Variants in PDE4D observed in about 807,000 individuals in gnomAD.
PDE4D encodes phosphodiesterase 4D.
PDE4D carries 24 observed loss-of-function variants against 87.4 expected under a neutral mutation model. That is an observed-to-expected ratio of 0.27 (90% confidence interval 0.20 to 0.39). The LOEUF (loss-of-function observed/expected upper bound fraction) is 0.39. PDE4D is among the 10% of genes least tolerant of loss of function. The pLI is 1.00. For synonymous variants in PDE4D, 384 were observed against 383.2 expected (o/e 1.00, Z -0.02); for missense variants, 714 against 1,041.0 (o/e 0.69, Z 4.32).
At chr5:59,580,079 T>C (rs1474767292) in intron 1 of PDE4D, among the ~76,000 whole-genome samples, 1 of 152,226 alleles carries the variant, frequency 6.6e-6, no homozygotes, top group East Asian at 1.9e-4. Context: ...GTAAATCTGC[T>C]TATTTTCTCT....
rs1947095 is a variant in PDE4D, at chr5:59,271,235, C to A, written c.456-55267G>T. Among the ~76,000 whole-genome samples the A allele has an allele frequency of 2.7e-3, 408 of 151,928 alleles. 4 individuals carry two copies. The highest frequency in any genetic ancestry group is 9.5e-3 in the African/African-American group (392 of 41,450). On this transcript the variant is annotated intron_variant, in intron 1 of 14. Coordinates refer to ENST00000340635, the MANE Select transcript of PDE4D (RefSeq NM_001104631.2). ...TGGATTTTTAGTAGAGACAGGGTTG[C>A]GCCATTTTGGCCAGGCTGGTCTTGA... is the stretch of plus-strand genomic sequence containing the variant.
rs149383517 is a variant in PDE4D, at chr5:58,978,464, T to TC, written c.1553-1120dup. Among the ~76,000 whole-genome samples the TC allele has an allele frequency of 2.6e-3, 389 of 152,298 alleles. 7 individuals carry two copies. In the East Asian group the frequency reaches 0.047, roughly 18 times the overall value. ...AAAGGTTAAAAGCACAGGTATTTGA[T>TC]CTTTTTTCTAACGAATGCATAGAAA... On this transcript the variant is annotated intron_variant, in intron 11 of 14. Transcript: ENST00000340635.
At chr5:59,189,199 G>C (rs954103540) in intron 3 of PDE4D, among the ~76,000 whole-genome samples, 1 of 147,880 alleles carries the variant, frequency 6.8e-6, no homozygotes, top group East Asian at 2.0e-4. Context: ...TTTGGTTAGA[G>C]TAAAGGTAAA....
intron 1 of PDE4D, among the ~76,000 whole-genome samples, chr5:59,691,168 C>T (rs1392899234): frequency 6.6e-6 from 1 of 152,200 alleles, no homozygotes; most frequent in Non-Finnish European, 1.5e-5. Flanking sequence ...TGTGGCGATT[C>T]CTCAAGGATC....
intron 1 of PDE4D, among the ~76,000 whole-genome samples, chr5:60,455,581 T>C (rs1746407624): frequency 6.6e-6 from 1 of 152,140 alleles, no homozygotes; most frequent in African/African-American, 2.4e-5. Context: ...TTAACTACAA[T>C]TCTCAATTTG....
chr5:59,064,893 G>A (rs937242351), intron 5 of PDE4D, among the ~76,000 whole-genome samples: 8 of 151,866 alleles, frequency 5.3e-5, no homozygotes, highest in Admixed American at 2.6e-4. Context: ...CCCTACTTTC[G>A]AAACAGGAAG....
intron 3 of PDE4D, among the ~76,000 whole-genome samples, chr5:59,980,555 G>A (rs913956287): frequency 6.6e-6 from 1 of 152,190 alleles, no homozygotes; most frequent in Non-Finnish European, 1.5e-5. Context: ...TGGGAGCCTG[G>A]TGAAATAGAA....
chr5:60,295,084 T>C (rs1055001588), intron 1 of PDE4D, among the ~76,000 whole-genome samples: 1 of 152,132 alleles, frequency 6.6e-6, no homozygotes, highest in African/African-American at 2.4e-5. Flanking sequence ...ACATATTTCA[T>C]TAAATTTGCT....
At chr5:59,654,502 G>T (rs938168766) in intron 1 of PDE4D, among the ~76,000 whole-genome samples, 1 of 152,150 alleles carries the variant, frequency 6.6e-6, no homozygotes, top group African/African-American at 2.4e-5. Context: ...GGTCATGACT[G>T]GTTCCTCCCA....
rs1744779573 is a variant in PDE4D at position 59,193,521 on chromosome 5, C to T, written c.663G>A (p.Leu221=). 6.2e-7 allele frequency: 1 copy of T among 1,613,684 alleles called. No homozygotes were observed. Among genetic ancestry groups the T allele is most frequent in the Non-Finnish European group, 8.5e-7 (1 of 1,179,728 alleles). Residue 221 remains leucine, a synonymous_variant, in exon 3 of 15, where the codon TTG becomes TTA. Transcript: ENST00000340635. ...TTACCTGAGCAAATGGAGTCACAAT[C>T]AAGTCATCTCCGTGTCTGAAAAATA... ...SIASDIHGDD[L]IVTPFAQVLA... is the part of the protein sequence containing the mutation.
chr5:59,703,539 T>A (rs1469561076), intron 1 of PDE4D: 12 of 532,920 alleles, frequency 2.3e-5, no homozygotes, highest in Non-Finnish European at 4.2e-5. Context: ...TGAGAAGGAA[T>A]TTTCCCTTTG....
intron 1 of PDE4D, among the ~76,000 whole-genome samples, chr5:60,354,641 T>TG: frequency 6.6e-6 from 1 of 152,298 alleles, no homozygotes; most frequent in East Asian, 1.9e-4. Context: ...TGGTTATAAA[T>TG]CTAAGTCACC....
rs1742428579 is a variant in PDE4D, at chr5:58,970,522, T to G, written c.*4142A>C. On this transcript the variant is annotated 3_prime_UTR_variant, in exon 15 of 15. Transcript: ENST00000340635. ...GTTTCCTGCTTTAGGGGCTGGCCATTGTACAAGGTGAAATTTTAAAATTCT... is the reference window on the plus strand; with the variant it reads ...GTTTCCTGCTTTAGGGGCTGGCCATGGTACAAGGTGAAATTTTAAAATTCT... The G allele has an allele frequency of 6.6e-6, 1 of 152,118 alleles. No homozygotes were observed. The highest frequency in any genetic ancestry group is 6.6e-5 in the Admixed American group (1 of 15,260). The allele number at this position is 152,118 out of a possible 1,614,324, so 9.4% of individuals were successfully genotyped here.
intron 1 of PDE4D, among the ~76,000 whole-genome samples, chr5:59,665,692 A>G (rs1745966502): frequency 6.6e-6 from 1 of 152,188 alleles, no homozygotes; most frequent in African/African-American, 2.4e-5. Context: ...TCACCAATGC[A>G]ATAGTGTTAG....
At chr5:59,155,681 T>G (rs1780071684) in intron 5 of PDE4D, among the ~76,000 whole-genome samples, 1 of 151,902 alleles carries the variant, frequency 6.6e-6, no homozygotes, top group Admixed American at 6.6e-5. Context: ...AGATTGAAGA[T>G]GTGAGAGATA....
intron 1 of PDE4D, among the ~76,000 whole-genome samples, chr5:59,765,113 C>T (rs1036156253): frequency 6.6e-6 from 1 of 152,198 alleles, no homozygotes; most frequent in African/African-American, 2.4e-5. Context: ...TGGTGGGTTA[C>T]TCCAAGCCAC....
At chr5:59,576,296 C>T (rs1000650794) in intron 1 of PDE4D, among the ~76,000 whole-genome samples, 3 of 151,996 alleles carry the variant, frequency 2.0e-5, no homozygotes, top group African/African-American at 7.2e-5. Flanking sequence ...CAAGCCCTTG[C>T]CACAGACTTG....
intron 3 of PDE4D, chr5:59,987,343 G>C (rs1762551325): frequency 6.6e-6 from 1 of 152,144 alleles, no homozygotes; most frequent in East Asian, 1.9e-4. Context: ...TAAACACATA[G>C]TTCAATTACA....
intron 1 of PDE4D, among the ~76,000 whole-genome samples, chr5:60,443,784 T>C (rs1323551701): frequency 6.6e-6 from 1 of 152,162 alleles, no homozygotes; most frequent in Non-Finnish European, 1.5e-5. Flanking sequence ...GCTGAGAAAG[T>C]AGACATGACA....
Sources: allele counts gnomAD v4.1 joint callset (sites outside exome capture counted in the v4.1 genomes callset), GRCh38; gene constraint gnomAD v4.1.1; transcripts MANE v1.5; gene names NCBI Gene and HGNC (gene_info 2026-07-23, HGNC 2026-07-21).